The following RYR2 variants were observed in gnomAD, a reference collection of about 807,000 sequenced individuals.
The protein encoded by RYR2 is ryanodine receptor 2, also known as cardiac muscle ryanodine receptor-calcium release channel.
A neutral mutation model predicts 601.1 loss-of-function variants in RYR2; 227 were observed. That is an observed-to-expected ratio of 0.38 (90% CI 0.34 to 0.42). The LOEUF (loss-of-function observed/expected upper bound fraction) is 0.42. Among genes scored for constraint, RYR2 ranks in the 10% least tolerant of loss-of-function variants. The pLI is 1.00. For missense variants in RYR2, 4,646 were observed against 6,156.5 expected (o/e 0.75, Z 8.21); for synonymous variants, 2,223 against 2,175.1 (o/e 1.02, Z -0.61).
In RYR2 at chr1:237,627,935, G is replaced by T; in HGVS notation, c.6295G>T (p.Val2099Phe). ...GCAGTATGACGGCATTGGGGGTCTT[G>T]TTCGGGCCCTGCCAAAGACCTACAC... ...HRQYDGIGGL[V>F]RALPKTYTIN... Residue 2099 changes from valine (V) to phenylalanine (F), a missense_variant, in exon 41 of 105, where the codon GTT becomes TTT. Around this residue, in one of 17 missense-constraint regions of RYR2, gnomAD observed 170 missense variants for 184.5 expected, o/e 0.92. Coordinates refer to ENST00000366574, the MANE Select transcript of RYR2 (RefSeq NM_001035.3). 1.2e-6 allele frequency: 2 copies of T among 1,613,930 alleles called. No homozygotes were observed. Among genetic ancestry groups the T allele is most frequent in the Admixed American group, 1.7e-5 (1 of 60,016 alleles).
intron 3 of RYR2, among the ~76,000 whole-genome samples, chr1:237,337,251 CA>C (rs1402777135): frequency 0.064 from 4,203 of 65,360 alleles, 60 homozygotes; most frequent in Middle Eastern, 0.11. Flanking sequence ...GTATCCATCT[CA>C]AAAAAAAAAA....
chr1:237,237,968 TTTCC>T (rs1685759668), intron 1 of RYR2, among the ~76,000 whole-genome samples: 1 of 141,364 alleles, frequency 7.1e-6, no homozygotes, highest in African/African-American at 2.6e-5. Flanking sequence ...TTTCCTTTCC[TTTCC>T]TTTCCTTTCC....
intron 80 of RYR2, chr1:237,743,585 TC>T: frequency 3.9e-6 from 2 of 518,886 alleles, no homozygotes; most frequent in South Asian, 2.8e-5. Context: ...CTTCTTGTCC[TC>T]ATCCTTCCTT....
chr1:237,124,613 C>A (rs1019661913), intron 1 of RYR2, among the ~76,000 whole-genome samples: 1 of 152,134 alleles, frequency 6.6e-6, no homozygotes, highest in Admixed American at 6.5e-5. Flanking sequence ...GGAGGTCATG[C>A]CATTCCATCT....
At chr1:237,441,273 T>G in intron 12 of RYR2, 46 bp from the exon 13 acceptor site, 2 of 1,605,786 alleles carry the variant, frequency 1.2e-6, no homozygotes, top group Admixed American at 3.3e-5. Context: ...CATACACTAG[T>G]ATTTTTGAAA....
At chr1:237,391,434 A>G (rs1702375769) in intron 10 of RYR2, among the ~76,000 whole-genome samples, 1 of 152,220 alleles carries the variant, frequency 6.6e-6, no homozygotes, top group Non-Finnish European at 1.5e-5. Context: ...TGATCTGGCT[A>G]TACTCATTAA....
intron 1 of RYR2, among the ~76,000 whole-genome samples, chr1:237,081,959 T>C (rs556407576): frequency 7.2e-5 from 11 of 152,268 alleles, no homozygotes; most frequent in African/African-American, 2.4e-4. Context: ...GGCTAATTAC[T>C]CCAAGATAAC....
intron 12 of RYR2, among the ~76,000 whole-genome samples, chr1:237,428,357 C>A (rs2150084064): frequency 6.6e-6 from 1 of 152,224 alleles, no homozygotes; most frequent in Non-Finnish European, 1.5e-5. Flanking sequence ...CCCAAATGCC[C>A]ATCAATGATA....
At chr1:237,299,685 T>G (rs10754597) in intron 2 of RYR2, among the ~76,000 whole-genome samples, 39,862 of 152,030 alleles carry the variant, frequency 0.26, 6,036 homozygotes, top group South Asian at 0.37. Context: ...TTTGACATGT[T>G]CTGCTAAGTT....
chr1:237,185,620 A>T (rs1679260387), intron 1 of RYR2, among the ~76,000 whole-genome samples: 1 of 152,048 alleles, frequency 6.6e-6, no homozygotes, highest in African/African-American at 2.4e-5. Flanking sequence ...GGGGATACAC[A>T]CACACAGAGG....
chr1:237,587,319 T>G (rs939465568), intron 29 of RYR2, among the ~76,000 whole-genome samples: 3 of 152,188 alleles, frequency 2.0e-5, no homozygotes, highest in African/African-American at 7.2e-5. Context: ...ACACCACTCT[T>G]ACAAATTTCT....
intron 102 of RYR2, chr1:237,829,886 C>A (rs1182666321): frequency 6.6e-6 from 1 of 152,114 alleles, no homozygotes; most frequent in Non-Finnish European, 1.5e-5. Flanking sequence ...GCAGGTGCCC[C>A]TCTACAGGGT....
chr1:237,071,893 C>G (rs1166270838), intron 1 of RYR2, among the ~76,000 whole-genome samples: 2 of 152,204 alleles, frequency 1.3e-5, no homozygotes, highest in East Asian at 3.9e-4. Context: ...GGCGGGGGTG[C>G]TGGTGTGTTA....
chr1:237,291,952 A>G (rs1692247900), intron 2 of RYR2, among the ~76,000 whole-genome samples: 1 of 152,210 alleles, frequency 6.6e-6, no homozygotes, highest in Non-Finnish European at 1.5e-5. Flanking sequence ...GTTTGACATC[A>G]ATTGTAACAG....
intron 2 of RYR2, among the ~76,000 whole-genome samples, chr1:237,305,003 C>G (rs948558006): frequency 6.6e-6 from 1 of 152,064 alleles, no homozygotes; most frequent in Non-Finnish European, 1.5e-5. Context: ...AAAAGCACAA[C>G]GAGGTATCAT....
intron 1 of RYR2, among the ~76,000 whole-genome samples, chr1:237,214,118 A>G (rs548747154): frequency 4.6e-5 from 7 of 151,498 alleles, no homozygotes; most frequent in African/African-American, 1.5e-4. Context: ...ATGGGGTTTC[A>G]CCATGTTGGC....
intron 10 of RYR2, among the ~76,000 whole-genome samples, chr1:237,402,166 AG>A (rs1703401536): frequency 6.6e-6 from 1 of 152,062 alleles, no homozygotes; most frequent in East Asian, 1.9e-4. Context: ...AGCCAAGGCA[AG>A]AAGATCACTT....
At chr1:237,281,845 A>T (rs1219276807) in intron 2 of RYR2, among the ~76,000 whole-genome samples, 1 of 152,222 alleles carries the variant, frequency 6.6e-6, no homozygotes, top group Non-Finnish European at 1.5e-5. Flanking sequence ...AGAGAACAGA[A>T]CTAAGGGTAG....
At chr1:237,266,138 G>T (rs1183092422) in intron 1 of RYR2, among the ~76,000 whole-genome samples, 1 of 152,204 alleles carries the variant, frequency 6.6e-6, no homozygotes, top group African/African-American at 2.4e-5. Flanking sequence ...CAACCAAAAT[G>T]CAAAAGCAAG....
Sources: allele counts gnomAD v4.1 joint callset (sites outside exome capture counted in the v4.1 genomes callset), GRCh38; gene constraint gnomAD v4.1.1; regional missense constraint gnomAD v4.1.1; transcripts MANE v1.5; gene names NCBI Gene and HGNC (gene_info 2026-07-23, HGNC 2026-07-21).